CTAGE1: variants seen among roughly 807,000 people sequenced by gnomAD.
CTAGE1 encodes the protein cTAGE family member 2.
For synonymous variants in CTAGE1, 332 were observed against 302.8 expected, an observed-to-expected ratio of 1.10 and a Z score of -1.00; for missense variants, 963 against 855.9, an observed-to-expected ratio of 1.13 and a Z score of -1.56.
In CTAGE1 at chr18:22,415,507, G is replaced by C. The variant is rs941517751; in HGVS notation, c.*67C>G. Reference sequence around the variant, plus strand: ...ACATGTTGTTAGGTTTCTTGCTGTCGTTCTGGATGTTCAGCAGCAGGCTCA... The same window carrying C: ...ACATGTTGTTAGGTTTCTTGCTGTCCTTCTGGATGTTCAGCAGCAGGCTCA... On this transcript the variant is annotated 3_prime_UTR_variant, in exon 1 of 1. Transcript: ENST00000391403. The C allele has an allele frequency of 2.3e-6, 3 of 1,300,968 alleles. No homozygotes were observed. Among genetic ancestry groups the C allele is most frequent in the Non-Finnish European group, 3.2e-6 (3 of 935,756 alleles). The allele number at this position is 1,300,968 out of a possible 1,614,324, so 80.6% of individuals were successfully genotyped here. A position where few individuals can be genotyped will look rare whatever the true frequency, so the allele number is the denominator to read the frequency against.
rs1439608913 is a variant in CTAGE1, at chr18:22,416,383, G to A, written c.1429C>T (p.Pro477Ser). 4 of 1,613,742 alleles carry A rather than the reference G, an allele frequency of 2.5e-6. No homozygotes were observed. The African/African-American group carries it at 5.3e-5, about 22-fold the overall frequency. The change falls in exon 1 of 1, where the codon CCA becomes TCA. Residue 477 changes from proline to serine, a missense_variant. Physicochemically the swap from Pro to Ser is moderately conservative, Grantham distance 74 (BLOSUM62 -1). Coordinates refer to ENST00000391403, the MANE Select transcript of CTAGE1 (RefSeq NM_172241.3). ...LEKDPYGLDV[P>S]NTAFGRQHSP... ...TGCTGTCTGCCAAATGCTGTATTTG[G>A]AACATCAAGTCCATAAGGATCTTTT...
In CTAGE1 at chr18:22,415,567, T is replaced by C. The variant is rs2034998889; in HGVS notation, c.*7A>G. ...GGACTCAACCCTGATGGAAACTCAT[T>C]CTACCTTCAGAATGTGGGGGCTGGG... On this transcript the variant is annotated 3_prime_UTR_variant, in exon 1 of 1. Transcript: ENST00000391403. 6.3e-7 allele frequency: 1 copy of C among 1,585,666 alleles called. No individual in the cohort carries two copies. Among genetic ancestry groups the C allele is most frequent in the Non-Finnish European group, 8.6e-7 (1 of 1,166,862 alleles).
At position 22,414,889 on chromosome 18, in the gene CTAGE1, G is replaced by A. The variant is rs750218487; in HGVS notation, c.*685C>T. 1.7e-4 allele frequency: 115 copies of A among 678,594 alleles called. No individual in the cohort carries two copies. The highest frequency in any genetic ancestry group is 3.8e-4 in the Middle Eastern group (1 of 2,662). 42.0% of individuals were successfully genotyped at this position (678,594 alleles called of 1,614,324 possible). A position where few individuals can be genotyped will look rare whatever the true frequency, so the allele number is the denominator to read the frequency against. On this transcript the variant is annotated 3_prime_UTR_variant, in exon 1 of 1. Coordinates refer to ENST00000391403, the MANE Select transcript of CTAGE1 (RefSeq NM_172241.3). ...TTAGCTTAGGGAAGACGAAGGGAAG[G>A]AAAGGGAGGGCGAAGAAACCATTCT...
chr18:22,417,788 A>G lies in CTAGE1; in HGVS notation c.24T>C (p.Tyr8=), dbSNP rs1457301902. 8.1e-6 allele frequency: 13 copies of G among 1,614,250 alleles called. No individual in the cohort carries two copies. Among genetic ancestry groups the G allele is most frequent in the East Asian group, 2.2e-5 (1 of 44,886 alleles). The change falls in exon 1 of 1, where the codon TAT becomes TAC. Residue 8 remains tyrosine (Y), a synonymous_variant. Coordinates refer to ENST00000391403, the MANE Select transcript of CTAGE1 (RefSeq NM_172241.3). The part of the protein sequence containing the change: MRPDSHP[Y]GFPWELVIRA... The stretch of plus-strand genomic sequence containing the variant: ...GTATCACCAATTCCCATGGAAAACC[A>G]TAAGGATGAGAATCGGGTCTCATAC...
In CTAGE1 at chr18:22,417,005, C is replaced by T. The variant is rs1330780976; in HGVS notation, c.807G>A (p.Ser269=). The change falls in exon 1 of 1, where the codon TCG becomes TCA. Residue 269 remains serine (S), a synonymous_variant. Transcript: ENST00000391403. ...GATTATCTAAGTAAGCACCATCTTCCGATTCACTGTTCATTTCTAATTCCA... is the reference window on the plus strand; with the variant it reads ...GATTATCTAAGTAAGCACCATCTTCTGATTCACTGTTCATTTCTAATTCCA... ...DNLELEMNSE[S]EDGAYLDNPP... The T allele has an allele frequency of 5.0e-6, 8 of 1,614,002 alleles. No homozygotes were observed. Among genetic ancestry groups the T allele is most frequent in the Admixed American group, 1.7e-5 (1 of 60,016 alleles).
Position 22,416,768 on chromosome 18 carries a change from A to G in CTAGE1, c.1044T>C (p.Leu348=). 7 of 1,612,442 alleles carry G rather than the reference A, an allele frequency of 4.3e-6. No homozygotes were observed. The highest frequency in any genetic ancestry group is 5.9e-6 in the Non-Finnish European group (7 of 1,179,746). ...NTHFESENQK[L]QQKLKVMTEL... ...CAGTCATTACTTTAAGTTTCTGCTG[A>G]AGCTTCTGATTCTCACTTTCAAAAT... Residue 348 remains leucine, a synonymous_variant, in exon 1 of 1, where the codon CTT becomes CTC. Transcript: ENST00000391403.
In CTAGE1 at chr18:22,416,648, G is replaced by A. The variant is rs773483618; in HGVS notation, c.1164C>T (p.Asp388=). 1.6e-5 allele frequency: 26 copies of A among 1,613,600 alleles called. No homozygotes were observed. The highest frequency in any genetic ancestry group is 5.5e-5 in the South Asian group (5 of 90,924). Residue 388 remains aspartate (D), a synonymous_variant, in exon 1 of 1, where the codon GAC becomes GAT. Transcript: ENST00000391403. The part of the protein sequence containing the change: ...LEKEEKLSKV[D]EMISHATEEL... ...CTTCAGTGGCATGGCTGATCATTTCGTCTACTTTAGAAAGTTTCTCTTCTT... is the reference window on the plus strand; with the variant it reads ...CTTCAGTGGCATGGCTGATCATTTCATCTACTTTAGAAAGTTTCTCTTCTT...
rs1379451311 is a variant in CTAGE1 at position 22,414,627 on chromosome 18, G to A, written c.*947C>T. ...GATCAAATTCACCAACTGCAATTAA[G>A]CACTATCTTAGATTTACTCCTTCCC... On this transcript the variant is annotated 3_prime_UTR_variant, in exon 1 of 1. Coordinates refer to ENST00000391403, the MANE Select transcript of CTAGE1 (RefSeq NM_172241.3). 3 of 694,664 alleles carry A rather than the reference G, an allele frequency of 4.3e-6. No individual in the cohort carries two copies. The highest frequency in any genetic ancestry group is 7.8e-6 in the Non-Finnish European group (3 of 382,550). 43.0% of individuals were successfully genotyped at this position (694,664 alleles called of 1,614,324 possible).
At position 22,417,208 on chromosome 18, in the gene CTAGE1, A is replaced by G. The variant is rs762252148; in HGVS notation, c.604T>C (p.Trp202Arg). 6.2e-7 allele frequency: 1 copy of G among 1,613,902 alleles called. No homozygotes were observed. The highest frequency in any genetic ancestry group is 1.3e-5 in the African/African-American group (1 of 75,040). ...ATAAGTTCACTCACTTGTTCTTTCC[A>G]TACTTCAGCTTCTTGCAAAAGCTGT... is the stretch of plus-strand genomic sequence containing the variant. ...QKQLLQEAEV[W>R]KEQVSELIKQ... The change falls in exon 1 of 1, where the codon TGG becomes CGG. Residue 202 changes from tryptophan to arginine, a missense_variant. By Grantham distance (101) the Trp-to-Arg change is moderately radical. Coordinates refer to ENST00000391403, the MANE Select transcript of CTAGE1 (RefSeq NM_172241.3).
chr18:22,416,148 T>C lies in CTAGE1; in HGVS notation c.1664A>G (p.His555Arg). The change falls in exon 1 of 1, where the codon CAC becomes CGC. Residue 555 changes from histidine to arginine, a missense_variant. By Grantham distance (29) the His-to-Arg change is conservative. Transcript: ENST00000391403. ...GGGCCCAGCGTCAGAAGGAGCCCTGTGAGGATCAGTTAACCTATCACAGCT... is the reference window on the plus strand; with the variant it reads ...GGGCCCAGCGTCAGAAGGAGCCCTGCGAGGATCAGTTAACCTATCACAGCT... The part of the protein sequence containing the change: ...ESSCDRLTDP[H>R]RAPSDAGPLA... The C allele has an allele frequency of 6.2e-7, 1 of 1,613,968 alleles. No individual in the cohort carries two copies. The highest frequency in any genetic ancestry group is 8.5e-7 in the Non-Finnish European group (1 of 1,179,856).
Position 22,415,496 on chromosome 18 carries a change from T to A in CTAGE1, c.*78A>T. 8.3e-7 allele frequency: 1 copy of A among 1,209,898 alleles called. No homozygotes were observed. The highest frequency in any genetic ancestry group is 2.3e-5 in the East Asian group (1 of 42,730). The allele number at this position is 1,209,898 out of a possible 1,614,324, so 74.9% of individuals were successfully genotyped here. A position where few individuals can be genotyped will look rare whatever the true frequency, so the allele number is the denominator to read the frequency against. On this transcript the variant is annotated 3_prime_UTR_variant, in exon 1 of 1. Coordinates refer to ENST00000391403, the MANE Select transcript of CTAGE1 (RefSeq NM_172241.3). ...GAAGAGGGCAAACATGTTGTTAGGTTTCTTGCTGTCGTTCTGGATGTTCAG... is the reference window on the plus strand; with the variant it reads ...GAAGAGGGCAAACATGTTGTTAGGTATCTTGCTGTCGTTCTGGATGTTCAG...
rs775961866 is a variant in CTAGE1, at chr18:22,415,759, C to T, written c.2053G>A (p.Gly685Arg). 3.7e-6 allele frequency: 6 copies of T among 1,613,808 alleles called. No individual in the cohort carries two copies. Among genetic ancestry groups the T allele is most frequent in the Non-Finnish European group, 8.5e-7 (1 of 1,179,874 alleles). Residue 685 changes from glycine (G) to arginine (R), a missense_variant, in exon 1 of 1, where the codon GGA becomes AGA. Physicochemically the swap from Gly to Arg is moderately radical, Grantham distance 125 (BLOSUM62 -2). Coordinates refer to ENST00000391403, the MANE Select transcript of CTAGE1 (RefSeq NM_172241.3). ...VDTRGPFIRR[G>R]PPFPPPPPGT... ...GGAGGAGGTGGGGGGAAAGGAGGTC[C>T]TCTTCTTATGAACGGGCCCCTTGTA...
At position 22,414,789 on chromosome 18, in the gene CTAGE1, C is replaced by T; in HGVS notation, c.*785G>A. The T allele has an allele frequency of 1.4e-6, 1 of 702,620 alleles. No homozygotes were observed. Among genetic ancestry groups the T allele is most frequent in the Non-Finnish European group, 2.6e-6 (1 of 384,904 alleles). 43.5% of individuals were successfully genotyped at this position (702,620 alleles called of 1,614,324 possible). ...AGTAAAAGTTCTGGATAAAGTTGTT[C>T]CCACCAAATAAAAATAAAACAAAAG... is the stretch of plus-strand genomic sequence containing the variant. On this transcript the variant is annotated 3_prime_UTR_variant, in exon 1 of 1. Coordinates refer to ENST00000391403, the MANE Select transcript of CTAGE1 (RefSeq NM_172241.3).
In CTAGE1 at chr18:22,416,431, C is replaced by A; in HGVS notation, c.1381G>T (p.Glu461Ter). The change falls in exon 1 of 1, where the codon GAG becomes TAG. Residue 461 changes from glutamate to a stop codon, truncating the protein, a stop_gained. Coordinates refer to ENST00000391403, the MANE Select transcript of CTAGE1 (RefSeq NM_172241.3). LOFTEE classifies it low-confidence loss of function (END_TRUNC). ...TTTTCTAAAAGTTTTATTTTAAACT[C>A]TATTTCAGTTAATTTTTGTCTGTTG... ...AHNRQKLTEI[E>*]FKIKLLEKDP... 1 of 1,613,726 alleles carries A rather than the reference C, an allele frequency of 6.2e-7. No homozygotes were observed.
Position 22,414,231 on chromosome 18 carries a change from T to C in CTAGE1, c.*1343A>G, listed in dbSNP as rs2034982466. 1 of 154,764 alleles carries C rather than the reference T, an allele frequency of 6.5e-6. No homozygotes were observed. Among genetic ancestry groups the C allele is most frequent in the Non-Finnish European group, 1.4e-5 (1 of 70,000 alleles). 9.6% of individuals were successfully genotyped at this position (154,764 alleles called of 1,614,324 possible). On this transcript the variant is annotated 3_prime_UTR_variant, in exon 1 of 1. Transcript: ENST00000391403. Reference sequence around the variant, plus strand: ...CTAGTATTAAAAAAATCACCAGGAGTTAAATTTTTCCACTAGCAAATAGGG... The same window carrying C: ...CTAGTATTAAAAAAATCACCAGGAGCTAAATTTTTCCACTAGCAAATAGGG...
At position 22,417,150 on chromosome 18, in the gene CTAGE1, A is replaced by C. The variant is rs1474633137; in HGVS notation, c.662T>G (p.Val221Gly). 4 of 1,613,924 alleles carry C rather than the reference A, an allele frequency of 2.5e-6. No homozygotes were observed. The highest frequency in any genetic ancestry group is 2.2e-5 in the South Asian group (2 of 91,074). ...ATCATTTAGAACTTGTTCTGCATGTACTTTGGAGTCTTCAAATGTTCTTTT... is the reference window on the plus strand; with the variant it reads ...ATCATTTAGAACTTGTTCTGCATGTCCTTTGGAGTCTTCAAATGTTCTTTT... ...KQKRTFEDSK[V>G]HAEQVLNDKE... The change falls in exon 1 of 1, where the codon GTA becomes GGA. Residue 221 changes from valine (V) to glycine (G), a missense_variant. Val to Gly is a moderately radical substitution (Grantham distance 109). Coordinates refer to ENST00000391403, the MANE Select transcript of CTAGE1 (RefSeq NM_172241.3).
rs774225595 is a variant in CTAGE1 at position 22,415,637 on chromosome 18, C to T, written c.2175G>A (p.Pro725=). The T allele has an allele frequency of 2.8e-5, 45 of 1,613,866 alleles. No homozygotes were observed. The highest frequency in any genetic ancestry group is 3.4e-5 in the Non-Finnish European group (40 of 1,180,004). ...GGGGACGGTAAGGAAGAAAACCTCT[C>T]GGTAAATAGACATTTCTCATTGCAA... ...APFAMRNVYL[P]RGFLPYRPPR... is the part of the protein sequence containing the mutation. Residue 725 remains proline (P), a synonymous_variant, in exon 1 of 1, where the codon CCG becomes CCA. Coordinates refer to ENST00000391403, the MANE Select transcript of CTAGE1 (RefSeq NM_172241.3).
rs753995167 is a variant in CTAGE1, at chr18:22,416,158, T to C, written c.1654A>G (p.Thr552Ala). Residue 552 changes from threonine to alanine, a missense_variant, in exon 1 of 1, where the codon ACT becomes GCT. Physicochemically the swap from Thr to Ala is moderately conservative, Grantham distance 58 (BLOSUM62 0). Transcript: ENST00000391403. ...TCAGAAGGAGCCCTGTGAGGATCAGTTAACCTATCACAGCTTGATTCTCCT... is the reference window on the plus strand; with the variant it reads ...TCAGAAGGAGCCCTGTGAGGATCAGCTAACCTATCACAGCTTGATTCTCCT... ...ERGESSCDRL[T>A]DPHRAPSDAG... is the part of the protein sequence containing the mutation. The C allele has an allele frequency of 8.7e-6, 14 of 1,613,928 alleles. No homozygotes were observed. The East Asian group carries it at 3.1e-4, about 36-fold the overall frequency.
rs1170967346 is a variant in CTAGE1 at position 22,416,919 on chromosome 18, G to C, written c.893C>G (p.Thr298Ser). The C allele has an allele frequency of 6.2e-7, 1 of 1,613,818 alleles. No individual in the cohort carries two copies. The highest frequency in any genetic ancestry group is 8.5e-7 in the Non-Finnish European group (1 of 1,179,848). Residue 298 changes from threonine to serine, a missense_variant, in exon 1 of 1, where the codon ACC (threonine) becomes AGC (serine). Transcript: ENST00000391403. Reference protein sequence around the residue: ...HAAKLNASLKTLEGERNQIYI... With the variant: ...HAAKLNASLKSLEGERNQIYI... ...AATTTGGTTTCTTTCTCCTTCTAAG[G>C]TTTTTAAGGAAGCATTTAACTTAGC...
Sources: allele counts gnomAD v4.1 joint callset, GRCh38; gene constraint gnomAD v4.1.1; transcripts MANE v1.5; gene names NCBI Gene and HGNC (gene_info 2026-07-23, HGNC 2026-07-21).